The following USP40 variants were observed in gnomAD, a reference collection of about 807,000 sequenced individuals.
USP40 encodes the protein ubiquitin specific peptidase 40.
A neutral mutation model predicts 166.2 loss-of-function variants in USP40; 143 were observed. The observed-to-expected ratio is 0.86, with a 90% CI of 0.75 to 0.99. The LOEUF (loss-of-function observed/expected upper bound fraction) is 0.99. Ranked by LOEUF, USP40 falls within the 50% of genes least tolerant of loss-of-function variation. The probability of loss-of-function intolerance (pLI) is 0.00; values close to 1 mark genes in which losing one functional copy is unlikely to be tolerated. For synonymous variants in USP40, 498 were observed against 524.0 expected (o/e 0.95, Z 0.68); for missense variants, 1,444 against 1,479.7 (o/e 0.98, Z 0.40).
At chr2:233,490,343 T>G (rs1282337389) in intron 26 of USP40, among the ~76,000 whole-genome samples, 1 of 151,534 alleles carries the variant, frequency 6.6e-6, no homozygotes, top group Admixed American at 6.6e-5. Flanking sequence ...TTTTTTTTTT[T>G]GTACTTTTAG....
chr2:233,495,004 TAAATAAATATATA>T (rs2065663179), intron 24 of USP40, among the ~76,000 whole-genome samples: 1 of 130,600 alleles, frequency 7.7e-6, no homozygotes, highest in Non-Finnish European at 1.6e-5. Context: ...AATAAATAAA[TAAATAAATATATA>T]AAATAAATAT....
At chr2:233,536,523 T>G (rs925480676) in intron 10 of USP40, among the ~76,000 whole-genome samples, 2 of 152,166 alleles carry the variant, frequency 1.3e-5, no homozygotes, top group African/African-American at 2.4e-5. Context: ...TGGTGAAACA[T>G]GCCAGTAATC....
chr2:233,524,466 A>G lies in USP40; in HGVS notation c.1881+26T>C, dbSNP rs1575288471. The stretch of plus-strand genomic sequence containing the variant: ...TTTTAAAACATCCAAAATTATCACG[A>G]ATATTTCTTCAGTAATTTTTTTTAC... On this transcript the variant is annotated intron_variant, in intron 15 of 31. Coordinates refer to ENST00000678225, the MANE Select transcript of USP40 (RefSeq NM_001365479.2). The G allele has an allele frequency of 1.9e-6, 3 of 1,587,314 alleles. No individual in the cohort carries two copies. In the East Asian group the frequency reaches 6.8e-5, roughly 36 times the overall value.
At chr2:233,525,435 T>C (rs767524911) in intron 14 of USP40, 43 bp downstream of exon 14, 3 of 1,481,978 alleles carry the variant, frequency 2.0e-6, no homozygotes, top group South Asian at 2.4e-5. Flanking sequence ...GACAAAAATG[T>C]AGATATATAG....
chr2:233,527,362 G>T (rs758337047), intron 13 of USP40, 45 bp downstream of exon 13: 6 of 1,583,966 alleles, frequency 3.8e-6, no homozygotes, highest in South Asian at 3.4e-5. Flanking sequence ...TCTAGCTGGA[G>T]ATGGTGCTCG....
In USP40 at chr2:233,498,631, T is replaced by A; in HGVS notation, c.2651-19A>T. On this transcript the variant is annotated intron_variant, in intron 22 of 31. Transcript: ENST00000678225. ...GCATCTCCTATAAAGGAGTCAAAAT[T>A]GGGATAAAAAAAATTCAAAGTTAGG... 1 of 1,608,668 alleles carries A rather than the reference T, an allele frequency of 6.2e-7. No individual in the cohort carries two copies. Among genetic ancestry groups the A allele is most frequent in the Non-Finnish European group, 8.5e-7 (1 of 1,177,762 alleles).
At chr2:233,523,047 A>G in intron 16 of USP40, 123 bp downstream of exon 16, 1 of 1,104,068 alleles carries the variant, frequency 9.1e-7, no homozygotes, top group Non-Finnish European at 1.3e-6. Context: ...TATTTAGAAC[A>G]TAATGTCTAG....
At chr2:233,551,653 A>T in intron 6 of USP40, 134 bp from the exon 7 acceptor site, 1 of 851,998 alleles carries the variant, frequency 1.2e-6, no homozygotes, top group Non-Finnish European at 1.8e-6. Context: ...ATTACCATGG[A>T]TTCAACATAA....
chr2:233,554,534 A>G lies in USP40; in HGVS notation c.547-8T>C. 4.4e-6 allele frequency: 7 copies of G among 1,597,782 alleles called. No individual in the cohort carries two copies. The highest frequency in any genetic ancestry group is 1.4e-5 in the African/African-American group (1 of 74,072). On this transcript the variant is annotated splice_polypyrimidine_tract_variant and splice_region_variant and intron_variant, in intron 5 of 31. Coordinates refer to ENST00000678225, the MANE Select transcript of USP40 (RefSeq NM_001365479.2). ...TAGATCTAAGAAGTCTTCCTGAAAT[A>G]GACATGAATATAATATTGAAAAACA...
chr2:233,551,346 G>C, intron 7 of USP40, 30 bp downstream of exon 7: 1 of 1,565,654 alleles, frequency 6.4e-7, no homozygotes, highest in East Asian at 2.3e-5. Flanking sequence ...GAGGGGAAAA[G>C]AAAGAATTTA....
At chr2:233,484,319 G>A (rs2064809612) in intron 30 of USP40, among the ~76,000 whole-genome samples, 1 of 152,170 alleles carries the variant, frequency 6.6e-6, no homozygotes, top group Admixed American at 6.5e-5. Flanking sequence ...TGTGAGGTTT[G>A]CCTTCCAAGA....
intron 21 of USP40, among the ~76,000 whole-genome samples, chr2:233,501,476 A>T (rs1476930617): frequency 1.3e-5 from 2 of 152,220 alleles, no homozygotes; most frequent in African/African-American, 4.8e-5. Context: ...ACTTTTTATA[A>T]GAACAGACCC....
In USP40 at chr2:233,511,765, A is replaced by G. The variant is rs766398496; in HGVS notation, c.2470T>C (p.Leu824=). 2.5e-6 allele frequency: 4 copies of G among 1,612,134 alleles called. No individual in the cohort carries two copies. The highest frequency in any genetic ancestry group is 3.4e-6 in the Non-Finnish European group (4 of 1,179,218). ...AGTCCCAATGAACTTCCCATCTTCA[A>G]TTCTGCTTCCTTCAAAGTATAGCTG... ...PDSYTLKEAE[L]KMGSSLGLCL... Residue 824 remains leucine (L), a synonymous_variant, in exon 20 of 32, where the codon TTG becomes CTG. Transcript: ENST00000678225.
chr2:233,516,002 T>C (rs1036620002), intron 18 of USP40, among the ~76,000 whole-genome samples: 2 of 152,238 alleles, frequency 1.3e-5, no homozygotes, highest in African/African-American at 4.8e-5. Flanking sequence ...CACCTATTTC[T>C]AGATTCTCTG....
At chr2:233,510,277 G>T in intron 20 of USP40, 142 bp from the exon 21 acceptor site, 1 of 612,548 alleles carries the variant, frequency 1.6e-6, no homozygotes, top group African/African-American at 1.9e-5. Context: ...ATACGACTAT[G>T]ATTAATGTTA....
chr2:233,539,954 C>A (rs2069247154), intron 10 of USP40, among the ~76,000 whole-genome samples: 1 of 151,634 alleles, frequency 6.6e-6, no homozygotes, highest in Non-Finnish European at 1.5e-5. Context: ...GGTGACATGG[C>A]AAAACCCTGT....
At chr2:233,484,552 C>A (rs905551769) in intron 30 of USP40, among the ~76,000 whole-genome samples, 1 of 151,662 alleles carries the variant, frequency 6.6e-6, no homozygotes, top group African/African-American at 2.4e-5. Flanking sequence ...TCTTGGCTCA[C>A]TGCAACATCC....
At chr2:233,504,225 C>A (rs2066262196) in intron 21 of USP40, among the ~76,000 whole-genome samples, 2 of 151,658 alleles carry the variant, frequency 1.3e-5, no homozygotes, top group Non-Finnish European at 2.9e-5. Context: ...AGTAAACAAC[C>A]AGAAAGGAAG....
At chr2:233,552,466 A>G (rs959549763) in intron 6 of USP40, among the ~76,000 whole-genome samples, 5 of 152,192 alleles carry the variant, frequency 3.3e-5, no homozygotes, top group Admixed American at 3.3e-4. Context: ...ACTTCCACTG[A>G]AAAAGAATTA....
Sources: allele counts gnomAD v4.1 joint callset (sites outside exome capture counted in the v4.1 genomes callset), GRCh38; gene constraint gnomAD v4.1.1; transcripts MANE v1.5; gene names NCBI Gene and HGNC (gene_info 2026-07-23, HGNC 2026-07-21).